SLC44A3: variants seen among roughly 807,000 people sequenced by gnomAD.
The protein encoded by SLC44A3 is choline transporter-like protein 3.
Under a neutral mutation model 75.4 loss-of-function variants are expected in SLC44A3, and 74 were observed. The observed-to-expected ratio is 0.98, with a 90% CI of 0.81 to 1.19. The LOEUF is 1.19. Among genes scored for constraint, SLC44A3 ranks in the 50% most tolerant of loss-of-function variants. The pLI is 0.00. For missense variants in SLC44A3, 700 were observed against 778.6 expected (o/e 0.90, Z 1.20); for synonymous variants, 310 against 296.9 (o/e 1.04, Z -0.45).
chr1:94,885,374 T>C (rs529776297), intron 12 of SLC44A3, among the ~76,000 whole-genome samples: 2 of 151,782 alleles, frequency 1.3e-5, no homozygotes, highest in South Asian at 2.1e-4. Flanking sequence ...TCATGGAACA[T>C]TGGAGTTGGT....
At chr1:94,838,574 T>C (rs1009766489) in intron 6 of SLC44A3, among the ~76,000 whole-genome samples, 2 of 152,196 alleles carry the variant, frequency 1.3e-5, no homozygotes, top group African/African-American at 2.4e-5. Flanking sequence ...CCCACAAACC[T>C]CTTGGTAGAG....
intron 11 of SLC44A3, among the ~76,000 whole-genome samples, chr1:94,865,441 C>T (rs932786061): frequency 4.6e-5 from 7 of 152,050 alleles, no homozygotes; most frequent in Non-Finnish European, 1.0e-4. Context: ...TGTGTACATG[C>T]GTGTGTACAC....
intron 8 of SLC44A3, 61 bp downstream of exon 8, chr1:94,842,185 A>G: frequency 6.7e-7 from 1 of 1,502,886 alleles, no homozygotes; most frequent in Non-Finnish European, 8.8e-7. Flanking sequence ...AATCCAAATC[A>G]TTGAATTCTA....
intron 13 of SLC44A3, among the ~76,000 whole-genome samples, chr1:94,891,944 TA>T (rs1305913951): frequency 6.6e-6 from 1 of 152,062 alleles, no homozygotes; most frequent in Non-Finnish European, 1.5e-5. Flanking sequence ...GGATGGTTTC[TA>T]AAAAAAGTTT....
At chr1:94,840,283 C>CTTTTTTTTTTTTTTTTTT (rs56383271) in intron 7 of SLC44A3, among the ~76,000 whole-genome samples, 9 of 77,358 alleles carry the variant, frequency 1.2e-4, no homozygotes, top group Admixed American at 1.9e-4. Flanking sequence ...TTTCTTTTTC[C>CTTTTTTTTTTTTTTTTTT]TTTTTTTTTT....
intron 8 of SLC44A3, among the ~76,000 whole-genome samples, chr1:94,843,947 T>C (rs1664050050): frequency 6.6e-6 from 1 of 151,976 alleles, no homozygotes; most frequent in South Asian, 2.1e-4. Context: ...AGAAAGAGGC[T>C]GAGACTTGAG....
chr1:94,840,122 T>G, intron 7 of SLC44A3, 85 bp downstream of exon 7: 2 of 1,187,534 alleles, frequency 1.7e-6, no homozygotes, highest in Non-Finnish European at 2.5e-6. Context: ...GTTGGCATTT[T>G]TAAGCTACAT....
intron 12 of SLC44A3, among the ~76,000 whole-genome samples, chr1:94,890,364 T>G (rs922727236): frequency 2.0e-5 from 3 of 152,226 alleles, no homozygotes; most frequent in African/African-American, 7.2e-5. Context: ...TCCTGTGAGC[T>G]CCTCGTCTTC....
At chr1:94,842,573 C>A (rs1305843558) in intron 8 of SLC44A3, among the ~76,000 whole-genome samples, 1 of 152,224 alleles carries the variant, frequency 6.6e-6, no homozygotes, top group Non-Finnish European at 1.5e-5. Context: ...AACTTGCTGC[C>A]TCCTCAGTGA....
intron 4 of SLC44A3, among the ~76,000 whole-genome samples, chr1:94,828,204 A>G (rs1207533008): frequency 6.6e-6 from 1 of 152,214 alleles, no homozygotes; most frequent in African/African-American, 2.4e-5. Context: ...ATTATTTGCA[A>G]AGCCAGGTTT....
Position 94,826,213 on chromosome 1 carries a change from C to A in SLC44A3, c.279-1294C>A, listed in dbSNP as rs190591745. Among the ~76,000 whole-genome samples the A allele has an allele frequency of 6.7e-4, 102 of 152,076 alleles. 1 individual carries two copies. Among genetic ancestry groups the A allele is most frequent in the Admixed American group, 2.0e-3 (31 of 15,280 alleles). ...TTCCTAGAAACAGAAAGTAAAATGGCGATTGCAAAGGGCTGGAGGAAAGGA... is the reference window on the plus strand; with the variant it reads ...TTCCTAGAAACAGAAAGTAAAATGGAGATTGCAAAGGGCTGGAGGAAAGGA... On this transcript the variant is annotated intron_variant, in intron 3 of 14. Transcript: ENST00000271227.
At chr1:94,828,699 C>T (rs2100955058) in intron 5 of SLC44A3, 113 bp downstream of exon 5, 1 of 863,740 alleles carries the variant, frequency 1.2e-6, no homozygotes, top group Middle Eastern at 2.8e-4. Flanking sequence ...GAGCCCCTGC[C>T]TGCAGGGAGC....
chr1:94,859,693 A>G (rs1323755093), intron 10 of SLC44A3, among the ~76,000 whole-genome samples: 1 of 152,206 alleles, frequency 6.6e-6, no homozygotes, highest in Non-Finnish European at 1.5e-5. Flanking sequence ...TTGGGGTATC[A>G]GGTACAGCTG....
intron 14 of SLC44A3, 116 bp from the exon 15 acceptor site, chr1:94,894,702 G>T: frequency 2.6e-6 from 2 of 771,350 alleles, no homozygotes; most frequent in Non-Finnish European, 4.2e-6. Flanking sequence ...TCTGCCTTTT[G>T]TAAGTTAATT....
intron 9 of SLC44A3, among the ~76,000 whole-genome samples, chr1:94,850,379 T>C (rs1665056850): frequency 6.6e-6 from 1 of 152,206 alleles, no homozygotes; most frequent in Non-Finnish European, 1.5e-5. Flanking sequence ...GATGACCTGG[T>C]CACCTCCAGT....
At chr1:94,877,907 C>G (rs61772581) in intron 12 of SLC44A3, among the ~76,000 whole-genome samples, 1 of 151,928 alleles carries the variant, frequency 6.6e-6, no homozygotes, top group Non-Finnish European at 1.5e-5. Context: ...GGTGTGTTTG[C>G]CATGCCCACG....
chr1:94,864,794 C>A lies in SLC44A3; in HGVS notation c.1290C>A (p.Leu430=). The A allele has an allele frequency of 6.2e-7, 1 of 1,614,050 alleles. No homozygotes were observed. Among genetic ancestry groups the A allele is most frequent in the African/African-American group, 1.3e-5 (1 of 75,034 alleles). The change falls in exon 11 of 15, where the codon CTC becomes CTA. Residue 430 remains leucine, a synonymous_variant. Transcript: ENST00000271227. ...CCATCCTTTCGTCTCTCTCCATTCTCTTCTTCTACCATCAAGGAACCGTTG... is the reference window on the plus strand; with the variant it reads ...CCATCCTTTCGTCTCTCTCCATTCTATTCTTCTACCATCAAGGAACCGTTG... ...DHPILSSLSI[L]FFYHQGTVVK...
At chr1:94,825,748 T>C in intron 3 of SLC44A3, 1 of 433,506 alleles carries the variant, frequency 2.3e-6, no homozygotes, top group East Asian at 7.1e-5. Context: ...CTAAGCCTCT[T>C]ATCCTCCTGA....
chr1:94,866,158 ACAGCGTTTTATTTTAAATCT>A (rs1236879741), intron 11 of SLC44A3, among the ~76,000 whole-genome samples: 6 of 152,192 alleles, frequency 3.9e-5, no homozygotes, highest in African/African-American at 1.4e-4. Flanking sequence ...GAAGAACAGG[ACAGCGTTTTATTTTAAATCT>A]ATTTGTGATA....
Sources: gnomAD v4.1 joint callset for allele counts (sites outside exome capture counted in the v4.1 genomes callset) on GRCh38, gnomAD v4.1.1 for gene constraint, MANE v1.5 for transcripts, NCBI Gene and HGNC (gene_info 2026-07-23, HGNC 2026-07-21) for gene names.